Variants in CCDC178 observed in about 807,000 individuals in gnomAD.
CCDC178 encodes coiled-coil domain-containing protein 178.
In CCDC178, 126 loss-of-function variants were observed where a neutral mutation model predicts 117.4. The ratio of observed to expected loss-of-function variants is 1.07; its 90% CI spans 0.93 to 1.24. CCDC178 has a LOEUF of 1.24. Ranked by LOEUF, CCDC178 falls within the 50% of genes most tolerant of loss-of-function variation. The pLI is 0.00. For missense variants in CCDC178, 1,030 were observed against 986.9 expected, an observed-to-expected ratio of 1.04 and a Z score of -0.59; for synonymous variants, 283 against 313.4, an observed-to-expected ratio of 0.90 and a Z score of 1.02.
chr18:33,033,725 T>A (rs181684783), intron 21 of CCDC178, among the ~76,000 whole-genome samples: 1 of 152,184 alleles, frequency 6.6e-6, no homozygotes, highest in African/African-American at 2.4e-5. Context: ...TTTCCCTGTT[T>A]GTATTTCTCT....
chr18:33,418,349 G>C (rs556252679), intron 2 of CCDC178, among the ~76,000 whole-genome samples: 6 of 151,866 alleles, frequency 4.0e-5, no homozygotes, highest in Non-Finnish European at 2.9e-5. Flanking sequence ...AAAATAATAA[G>C]AGCCATCTAA....
chr18:33,413,237 C>T (rs2063884348), intron 2 of CCDC178, among the ~76,000 whole-genome samples: 1 of 152,074 alleles, frequency 6.6e-6, no homozygotes, highest in Non-Finnish European at 1.5e-5. Flanking sequence ...AAAAAGACTT[C>T]TTAGACAAAA....
chr18:32,962,276 G>T (rs1337206884), intron 22 of CCDC178, among the ~76,000 whole-genome samples: 1 of 151,948 alleles, frequency 6.6e-6, no homozygotes, highest in Admixed American at 6.6e-5. Context: ...TCTAAATTCA[G>T]TTGTCTTTTT....
chr18:33,289,920 A>C (rs1048438742), intron 12 of CCDC178, among the ~76,000 whole-genome samples: 2 of 152,310 alleles, frequency 1.3e-5, no homozygotes, highest in Non-Finnish European at 2.9e-5. Flanking sequence ...TATGCATTCC[A>C]CAAACTTTAT....
intron 22 of CCDC178, among the ~76,000 whole-genome samples, chr18:32,965,491 A>G (rs956803336): frequency 1.4e-4 from 22 of 151,844 alleles, no homozygotes; most frequent in Non-Finnish European, 2.4e-4. Context: ...TTTTAGATAT[A>G]TGTGTGTTTA....
intron 20 of CCDC178, among the ~76,000 whole-genome samples, chr18:33,179,112 C>CTATATATATATATA (rs554694009): frequency 4.6e-5 from 2 of 43,516 alleles, no homozygotes; most frequent in Non-Finnish European, 7.5e-5. Context: ...TATATATAAA[C>CTATATATATATATA]TATATATATA....
At chr18:33,297,984 G>A (rs7231699) in intron 11 of CCDC178, among the ~76,000 whole-genome samples, 138,198 of 151,648 alleles carry the variant, frequency 0.91, 63,091 homozygotes, top group East Asian at 1. Context: ...GGAGCTTGCA[G>A]TGAGCCGAGA....
intron 21 of CCDC178, among the ~76,000 whole-genome samples, chr18:32,977,068 T>C (rs1255529000): frequency 3.3e-5 from 5 of 152,268 alleles, no homozygotes; most frequent in Admixed American, 3.3e-4. Flanking sequence ...TCAATTCTTG[T>C]CAATGTGACT....
chr18:33,313,972 G>A (rs148958855), intron 11 of CCDC178, among the ~76,000 whole-genome samples: 12,172 of 151,520 alleles, frequency 0.08, 549 homozygotes, highest in Non-Finnish European at 0.093. Flanking sequence ...AGGCCGAGGC[G>A]GGCGGATCAC....
chr18:33,064,915 T>C lies in CCDC178; in HGVS notation c.2388+27846A>G, dbSNP rs189042899. 4.7e-3 allele frequency among the ~76,000 whole-genome samples: 708 copies of C among 151,636 alleles called. 6 individuals are homozygous for C. Among genetic ancestry groups the C allele is most frequent in the Non-Finnish European group, 7.8e-3 (528 of 67,950 alleles). On this transcript the variant is annotated intron_variant, in intron 21 of 22. Coordinates refer to ENST00000383096, the MANE Select transcript of CCDC178 (RefSeq NM_001105528.4). Reference sequence around the variant, plus strand: ...ACAACAGAACACTATTCATCCATAGTAAAATATTGTCATTTGAGACGACAT... The same window carrying C: ...ACAACAGAACACTATTCATCCATAGCAAAATATTGTCATTTGAGACGACAT...
intron 21 of CCDC178, among the ~76,000 whole-genome samples, chr18:33,030,317 T>C (rs539872216): frequency 5.5e-4 from 84 of 152,230 alleles, no homozygotes; most frequent in African/African-American, 1.9e-3. Flanking sequence ...ACATCATTTT[T>C]CCATTCTTTT....
At chr18:33,375,550 A>G (rs1402876238) in intron 5 of CCDC178, among the ~76,000 whole-genome samples, 1 of 152,202 alleles carries the variant, frequency 6.6e-6, no homozygotes, top group Non-Finnish European at 1.5e-5. Context: ...ACTAAAATGT[A>G]CCCATTGAGA....
chr18:33,306,456 GGT>G (rs1491445383), intron 11 of CCDC178, among the ~76,000 whole-genome samples: 15 of 95,532 alleles, frequency 1.6e-4, no homozygotes, highest in African/African-American at 5.2e-4. Flanking sequence ...GTGTACATAT[GGT>G]TATATATATA....
At chr18:33,326,314 G>A (rs1045944925) in intron 10 of CCDC178, among the ~76,000 whole-genome samples, 1 of 152,176 alleles carries the variant, frequency 6.6e-6, no homozygotes, top group African/African-American at 2.4e-5. Context: ...TTGAGAATAG[G>A]ATGGGTACAT....
intron 20 of CCDC178, among the ~76,000 whole-genome samples, chr18:33,127,098 T>C (rs1276897976): frequency 4.0e-5 from 6 of 151,688 alleles, no homozygotes; most frequent in Admixed American, 2.0e-4. Flanking sequence ...TATGTGTATA[T>C]GTGTGTATAG....
intron 20 of CCDC178, among the ~76,000 whole-genome samples, chr18:33,118,338 A>G (rs1466906690): frequency 6.6e-6 from 1 of 151,956 alleles, no homozygotes; most frequent in Non-Finnish European, 1.5e-5. Context: ...GCATGGTGCT[A>G]TTTCTCTCAC....
chr18:33,325,470 A>G (rs2145018016), intron 10 of CCDC178, among the ~76,000 whole-genome samples: 1 of 152,062 alleles, frequency 6.6e-6, no homozygotes, highest in Admixed American at 6.6e-5. Flanking sequence ...TATATATGTA[A>G]TATTATTTTT....
At position 33,236,507 on chromosome 18, in the gene CCDC178, C is replaced by G. The variant is rs79909162; in HGVS notation, c.1593+8738G>C. ...ATTGGGAATGGTTTCTTAAGTGGAC[C>G]AGTTTCTTTCTGTTGCTTCTTTCCA... is the stretch of plus-strand genomic sequence containing the variant. On this transcript the variant is annotated intron_variant, in intron 15 of 22. Coordinates refer to ENST00000383096, the MANE Select transcript of CCDC178 (RefSeq NM_001105528.4). 5.1e-3 allele frequency among the ~76,000 whole-genome samples: 771 copies of G among 152,254 alleles called. 6 individuals carry two copies. The highest frequency in any genetic ancestry group is 8.0e-3 in the Non-Finnish European group (543 of 68,020).
intron 4 of CCDC178, among the ~76,000 whole-genome samples, chr18:33,395,151 T>C (rs2063618855): frequency 6.6e-6 from 1 of 150,906 alleles, no homozygotes; most frequent in African/African-American, 2.4e-5. Context: ...CTTGTAAGTT[T>C]TAGAAAATAA....
Sources: allele counts gnomAD v4.1 joint callset (sites outside exome capture counted in the v4.1 genomes callset), GRCh38; gene constraint gnomAD v4.1.1; transcripts MANE v1.5; gene names NCBI Gene and HGNC (gene_info 2026-07-23, HGNC 2026-07-21).